Variants in CCDC126 observed in about 807,000 individuals in gnomAD.
The protein encoded by CCDC126 is coiled-coil domain-containing protein 126.
Under a neutral mutation model 11.7 loss-of-function variants are expected in CCDC126, and 5 were observed. That is an observed-to-expected ratio of 0.43 (90% CI 0.22 to 0.90). The LOEUF is 0.90. CCDC126 is among the 40% of genes least tolerant of loss of function. The pLI, the probability that CCDC126 is intolerant of heterozygous loss-of-function variation, is 0.27. For synonymous variants in CCDC126, 60 were observed against 61.9 expected, an observed-to-expected ratio of 0.97 and a Z score of 0.14; for missense variants, 150 against 163.1, an observed-to-expected ratio of 0.92 and a Z score of 0.44.
At chr7:23,624,086 G>T (rs999811248) in intron 3 of CCDC126, among the ~76,000 whole-genome samples, 1 of 152,188 alleles carries the variant, frequency 6.6e-6, no homozygotes, top group Non-Finnish European at 1.5e-5. Flanking sequence ...TCTCATTAAA[G>T]ATTTAGCTTT....
At position 23,610,508 on chromosome 7, in the gene CCDC126, CT is replaced by C. The variant is rs113698515; in HGVS notation, c.-145-662del. Among the ~76,000 whole-genome samples the C allele has an allele frequency of 8.1e-4, 123 of 152,296 alleles. 2 individuals are homozygous for C. The highest frequency in any genetic ancestry group is 2.7e-3 in the African/African-American group (112 of 41,564). On this transcript the variant is annotated intron_variant, in intron 2 of 3. Transcript: ENST00000307471. ...GGCTTACAAGTGTAAGCCACTGCCC[CT>C]GGTCTCAAGTGTTTTAGTACTTGCC...
Position 23,636,715 on chromosome 7 carries a change from G to A in CCDC126, c.239-6216G>A, listed in dbSNP as rs1441191103. ...AGCCCCTCCGCCTGGCAGCCACCCC[G>A]TCTGGAAAGTGAGGAGCGTCTCCGC... On this transcript the variant is annotated intron_variant, in intron 3 of 3. Transcript: ENST00000307471. Among the ~76,000 whole-genome samples, 83 of 149,096 alleles carry A rather than the reference G, an allele frequency of 5.6e-4. 2 individuals carry two copies. In the East Asian group the frequency reaches 7.2e-3, roughly 13 times the overall value.
chr7:23,611,577 T>G, intron 3 of CCDC126, 24 bp downstream of exon 3: 33 of 1,507,034 alleles, frequency 2.2e-5, no homozygotes, highest in Non-Finnish European at 2.6e-5. Context: ...AGAATATTTC[T>G]AGTTTCCTCC....
chr7:23,619,373 A>G, intron 3 of CCDC126: 1 of 387,968 alleles, frequency 2.6e-6, no homozygotes, highest in Non-Finnish European at 5.0e-6. Context: ...GCAACCATGA[A>G]GCGCATGCTT....
intron 3 of CCDC126, among the ~76,000 whole-genome samples, chr7:23,636,659 G>C (rs865865238): frequency 6.2e-5 from 9 of 146,012 alleles, no homozygotes; most frequent in Admixed American, 2.0e-4. Context: ...GAGCCCCTCC[G>C]TCCGGCAGCC....
At chr7:23,642,383 A>G (rs1424549060) in intron 3 of CCDC126, among the ~76,000 whole-genome samples, 1 of 152,150 alleles carries the variant, frequency 6.6e-6, no homozygotes, top group Non-Finnish European at 1.5e-5. Flanking sequence ...TTTAAAATCC[A>G]TTATATCGCA....
At chr7:23,622,733 C>G (rs1472079467) in intron 3 of CCDC126, 2 of 521,706 alleles carry the variant, frequency 3.8e-6, no homozygotes, top group South Asian at 2.8e-5. Flanking sequence ...CACAGTTGAC[C>G]CTTAAGATTC....
chr7:23,600,376 C>CCG (rs1782517604), intron 2 of CCDC126, among the ~76,000 whole-genome samples: 1 of 103,316 alleles, frequency 9.7e-6, no homozygotes, highest in African/African-American at 4.0e-5. Context: ...CTGTGTTAAC[C>CCG]CCCCCCCCCC....
chr7:23,628,221 A>T (rs1055704282), intron 3 of CCDC126, among the ~76,000 whole-genome samples: 2 of 152,094 alleles, frequency 1.3e-5, no homozygotes, highest in African/African-American at 4.8e-5. Flanking sequence ...TTTCCATCCA[A>T]ATACAACCAA....
intron 3 of CCDC126, among the ~76,000 whole-genome samples, chr7:23,624,240 C>G (rs1244092821): frequency 6.6e-6 from 1 of 152,182 alleles, no homozygotes; most frequent in Non-Finnish European, 1.5e-5. Flanking sequence ...GGTACCTAGA[C>G]TAAGCTTATT....
intron 3 of CCDC126, among the ~76,000 whole-genome samples, chr7:23,625,977 A>G (rs1783008554): frequency 6.6e-6 from 1 of 151,690 alleles, no homozygotes; most frequent in African/African-American, 2.4e-5. Context: ...CTTTATAAAG[A>G]TGCTAATGCT....
At chr7:23,640,441 G>A (rs1385087776) in intron 3 of CCDC126, among the ~76,000 whole-genome samples, 1 of 152,056 alleles carries the variant, frequency 6.6e-6, no homozygotes, top group Admixed American at 6.5e-5. Context: ...AGGTTGCGAT[G>A]AGCCGAGATC....
chr7:23,637,883 T>A (rs1476976795), intron 3 of CCDC126, among the ~76,000 whole-genome samples: 9 of 84,088 alleles, frequency 1.1e-4, no homozygotes, highest in African/African-American at 2.3e-4. Context: ...GTCCGGGAGG[T>A]GAGGGGCGCC....
intron 3 of CCDC126, among the ~76,000 whole-genome samples, chr7:23,635,899 AC>A (rs1783200296): frequency 6.6e-6 from 1 of 151,174 alleles, no homozygotes; most frequent in African/African-American, 2.4e-5. Context: ...CCCTCTCCCC[AC>A]GGTCTCCTTC....
At chr7:23,601,465 T>A (rs1782542684) in intron 2 of CCDC126, among the ~76,000 whole-genome samples, 1 of 152,230 alleles carries the variant, frequency 6.6e-6, no homozygotes, top group Non-Finnish European at 1.5e-5. Context: ...AAATTGGTAG[T>A]GTGTACGGTC....
chr7:23,599,490 A>G (rs1782494574), intron 2 of CCDC126, among the ~76,000 whole-genome samples: 1 of 151,312 alleles, frequency 6.6e-6, no homozygotes, highest in Non-Finnish European at 1.5e-5. Context: ...ATGTATATGT[A>G]TATATATAGG....
In CCDC126 at chr7:23,598,048, A is replaced by G. The variant is rs1782459521; in HGVS notation, c.-149A>G. ...CTCTTCAAAACTCATCTCCTGGGTGACTGGTAAGGATGAACTTAAACTGCC... is the reference window on the plus strand; with the variant it reads ...CTCTTCAAAACTCATCTCCTGGGTGGCTGGTAAGGATGAACTTAAACTGCC... On this transcript the variant is annotated 5_prime_UTR_variant, in exon 2 of 4. Transcript: ENST00000307471. The G allele has an allele frequency of 6.6e-6, 1 of 152,268 alleles. No individual in the cohort carries two copies. The highest frequency in any genetic ancestry group is 6.5e-5 in the Admixed American group (1 of 15,290). 9.4% of individuals were successfully genotyped at this position (152,268 alleles called of 1,614,324 possible). A position where few individuals can be genotyped will look rare whatever the true frequency, so the allele number is the denominator to read the frequency against.
intron 3 of CCDC126, among the ~76,000 whole-genome samples, chr7:23,625,604 C>T (rs899690214): frequency 2.7e-5 from 4 of 149,550 alleles, no homozygotes; most frequent in East Asian, 1.9e-4. Flanking sequence ...ATTTGAGTCA[C>T]GACAATTTTT....
chr7:23,617,788 C>A (rs189699662), intron 3 of CCDC126, among the ~76,000 whole-genome samples: 4 of 152,108 alleles, frequency 2.6e-5, no homozygotes, highest in African/African-American at 7.2e-5. Flanking sequence ...CTAGATTGAC[C>A]TGTAAAACTC....
Sources: allele counts gnomAD v4.1 joint callset (sites outside exome capture counted in the v4.1 genomes callset), GRCh38; gene constraint gnomAD v4.1.1; transcripts MANE v1.5; gene names NCBI Gene and HGNC (gene_info 2026-07-23, HGNC 2026-07-21).